Variants in ATG7 observed in about 807,000 individuals in gnomAD.
ATG7 encodes the protein autophagy related 7, also known as ubiquitin-like modifier-activating enzyme ATG7.
Under a neutral mutation model 82.4 loss-of-function variants are expected in ATG7, and 70 were observed. The observed-to-expected ratio is 0.85, with a 90% CI of 0.70 to 1.04. The LOEUF (loss-of-function observed/expected upper bound fraction) is 1.04. Among genes scored for constraint, ATG7 ranks in the 50% least tolerant of loss-of-function variants. The pLI, the probability that ATG7 is intolerant of heterozygous loss-of-function variation, is 0.00. For synonymous variants in ATG7, 287 were observed against 313.0 expected (o/e 0.92, Z 0.88); for missense variants, 792 against 864.3 (o/e 0.92, Z 1.05).
intron 20 of ATG7, among the ~76,000 whole-genome samples, chr3:11,518,539 C>A (rs1241013016): frequency 1.3e-5 from 2 of 151,038 alleles, no homozygotes; most frequent in African/African-American, 2.4e-5. Flanking sequence ...GAGCGAGACA[C>A]CCTCTCAAAA....
intron 20 of ATG7, among the ~76,000 whole-genome samples, chr3:11,445,315 G>A (rs150738250): frequency 6.6e-6 from 1 of 152,286 alleles, no homozygotes; most frequent in East Asian, 1.9e-4. Flanking sequence ...ATGCCCATCA[G>A]TGGTAGACTG....
the ATG7 span, chr3:11,565,009 C>A: frequency 2.0e-6 from 3 of 1,487,746 alleles, no homozygotes; most frequent in East Asian, 7.6e-5. The surrounding 1 kb of genome is among the most constrained non-coding windows in gnomAD (Gnocchi z 4.1). Flanking sequence ...TCTCCATTGG[C>A]AGTCTTGTTC....
At chr3:11,303,043 A>G (rs781560961) in intron 5 of ATG7, among the ~76,000 whole-genome samples, 5 of 152,232 alleles carry the variant, frequency 3.3e-5, no homozygotes, top group Non-Finnish European at 7.3e-5. Flanking sequence ...GTCTTCTTCC[A>G]TGTTGTGGCT....
At chr3:11,451,507 A>G (rs2085128188) in intron 20 of ATG7, among the ~76,000 whole-genome samples, 1 of 152,170 alleles carries the variant, frequency 6.6e-6, no homozygotes, top group African/African-American at 2.4e-5. Flanking sequence ...TGTTCAGCAC[A>G]TGAGACAGGG....
At chr3:11,430,784 T>C (rs2082801578) in intron 20 of ATG7, among the ~76,000 whole-genome samples, 1 of 152,204 alleles carries the variant, frequency 6.6e-6, no homozygotes, top group Non-Finnish European at 1.5e-5. Context: ...GTATATTAAG[T>C]GCTGAGAGAG....
rs537537448 is a variant in ATG7 at position 11,491,454 on chromosome 3, A to C, written c.2080-63357A>C. On this transcript the variant is annotated intron_variant, in intron 20 of 20. Coordinates refer to ENST00000693202, the MANE Select transcript of ATG7 (RefSeq NM_001349232.2). ...AGCTCAGAGTAGTTTGATCGTCAGA[A>C]GCCTTCTTCTCTCAACTCGTCAAAG... 3.0e-4 allele frequency among the ~76,000 whole-genome samples: 46 copies of C among 152,324 alleles called. No homozygotes were observed. The South Asian group carries it at 9.3e-3, about 31-fold the overall frequency.
At chr3:11,351,803 T>G (rs1194738747) in intron 14 of ATG7, among the ~76,000 whole-genome samples, 2 of 152,088 alleles carry the variant, frequency 1.3e-5, no homozygotes, top group Admixed American at 1.3e-4. Context: ...ACTTATTGGT[T>G]AGCCAGCCTT....
In ATG7 at chr3:11,338,066, AAT is replaced by A. The variant is rs374202679; in HGVS notation, c.890-2577_890-2576del. 4.2e-4 allele frequency among the ~76,000 whole-genome samples: 64 copies of A among 152,246 alleles called. No individual in the cohort carries two copies. The East Asian group carries it at 9.8e-3, about 23-fold the overall frequency. ...CAGATTATTTGATCACCCAGGTACT[AAT>A]ACCTAGTACCTAGTATTTTTTCTGA... On this transcript the variant is annotated intron_variant, in intron 11 of 20. Coordinates refer to ENST00000693202, the MANE Select transcript of ATG7 (RefSeq NM_001349232.2).
chr3:11,284,575 G>A (rs1194205816), intron 3 of ATG7, among the ~76,000 whole-genome samples: 1 of 151,932 alleles, frequency 6.6e-6, no homozygotes, highest in South Asian at 2.1e-4. Flanking sequence ...TTTTTGAGAC[G>A]GGGTCTTGCT....
intron 20 of ATG7, among the ~76,000 whole-genome samples, chr3:11,513,203 G>T (rs887551808): frequency 6.6e-6 from 1 of 152,244 alleles, no homozygotes; most frequent in Non-Finnish European, 1.5e-5. Context: ...CCCGCACCGG[G>T]GCTGCAGGTG....
chr3:11,390,142 G>C (rs2078676600), intron 19 of ATG7, among the ~76,000 whole-genome samples: 1 of 152,202 alleles, frequency 6.6e-6, no homozygotes. Flanking sequence ...TCTTAAAGAA[G>C]ACTATTTATT....
intron 20 of ATG7, among the ~76,000 whole-genome samples, chr3:11,492,090 A>G (rs2090413759): frequency 6.6e-6 from 1 of 152,094 alleles, no homozygotes. Context: ...TTGATCTCAG[A>G]CTGCTGTGCT....
chr3:11,493,417 C>A (rs2153051380), intron 20 of ATG7, among the ~76,000 whole-genome samples: 1 of 152,278 alleles, frequency 6.6e-6, no homozygotes, highest in East Asian at 1.9e-4. Flanking sequence ...AGGCAACATT[C>A]AATTGGTAAA....
rs1267305787 is a variant in ATG7 at position 11,362,848 on chromosome 3, T to C, written c.1719T>C (p.Thr573=). 1 of 1,613,928 alleles carries C rather than the reference T, an allele frequency of 6.2e-7. No homozygotes were observed. The highest frequency in any genetic ancestry group is 1.3e-5 in the African/African-American group (1 of 74,934). The change falls in exon 17 of 21, where the codon ACT becomes ACC. Residue 573 remains threonine (T), a synonymous_variant. Transcript: ENST00000693202. ...ACCGGACCTTGGACCAGCAGTGCAC[T>C]GTGAGTCGTCCAGGACTGGCCGTGA... is the stretch of plus-strand genomic sequence containing the variant. ...TRDRTLDQQC[T]VSRPGLAVIA... is the part of the protein sequence containing the mutation.
chr3:11,493,881 C>T (rs62245925), intron 20 of ATG7, among the ~76,000 whole-genome samples: 34 of 152,294 alleles, frequency 2.2e-4, no homozygotes, highest in Admixed American at 5.2e-4. Context: ...AGAGGACTGA[C>T]TTCACTGCAG....
At chr3:11,364,513 G>A (rs565067086) in intron 17 of ATG7, 146 bp from the exon 18 acceptor site, 4 of 790,806 alleles carry the variant, frequency 5.1e-6, no homozygotes, top group East Asian at 5.2e-5. Flanking sequence ...CTTTGTCCCA[G>A]GGAAATTAGT....
intron 19 of ATG7, among the ~76,000 whole-genome samples, chr3:11,425,323 A>T (rs1474961041): frequency 6.6e-6 from 1 of 152,214 alleles, no homozygotes; most frequent in African/African-American, 2.4e-5. Flanking sequence ...GTACAGCTTT[A>T]TCATTATGAA....
the ATG7 span, chr3:11,564,813 G>A: frequency 1.2e-5 from 19 of 1,570,810 alleles, no homozygotes; most frequent in East Asian, 9.3e-5. Flanking sequence ...CCGCTCCCCC[G>A]GGGTCAGTGT....
At chr3:11,324,868 G>A (rs1950644361) in intron 9 of ATG7, among the ~76,000 whole-genome samples, 2 of 151,874 alleles carry the variant, frequency 1.3e-5, no homozygotes, top group Admixed American at 6.6e-5. Context: ...TGCCAGTTAA[G>A]AAAAAATAAC....
Sources: gnomAD v4.1 joint callset for allele counts (sites outside exome capture counted in the v4.1 genomes callset) on GRCh38, gnomAD v4.1.1 for gene constraint, Gnocchi (gnomAD v3.1) non-coding constraint, MANE v1.5 for transcripts, NCBI Gene and HGNC (gene_info 2026-07-23, HGNC 2026-07-21) for gene names.